The following AGBL4 variants were observed in gnomAD, a reference collection of about 807,000 sequenced individuals.
The protein encoded by AGBL4 is cytosolic carboxypeptidase 6.
A neutral mutation model predicts 66.4 loss-of-function variants in AGBL4; 58 were observed. That is an observed-to-expected ratio of 0.87 (90% CI 0.71 to 1.09). The LOEUF (loss-of-function observed/expected upper bound fraction) is 1.09. AGBL4 is among the 50% of genes least tolerant of loss of function. The probability of loss-of-function intolerance (pLI) is 0.00; values close to 1 mark genes in which losing one functional copy is unlikely to be tolerated. For synonymous variants in AGBL4, 234 were observed against 222.9 expected, an observed-to-expected ratio of 1.05 and a Z score of -0.44; for missense variants, 579 against 631.0, an observed-to-expected ratio of 0.92 and a Z score of 0.88.
intron 11 of AGBL4, among the ~76,000 whole-genome samples, chr1:48,555,799 T>G (rs904688839): frequency 6.6e-6 from 1 of 151,994 alleles, no homozygotes; most frequent in Non-Finnish European, 1.5e-5. Context: ...AGGGGAGTTG[T>G]GAGGAGGACA....
chr1:49,144,054 A>G (rs1443991991), intron 4 of AGBL4, among the ~76,000 whole-genome samples: 1 of 152,206 alleles, frequency 6.6e-6, no homozygotes, highest in Non-Finnish European at 1.5e-5. Context: ...TGGTTTTCCT[A>G]TCTGTAAGGT....
At chr1:49,562,986 GA>G (rs1644091126) in intron 3 of AGBL4, among the ~76,000 whole-genome samples, 1 of 152,016 alleles carries the variant, frequency 6.6e-6, no homozygotes, top group Non-Finnish European at 1.5e-5. Context: ...TTATTTCATT[GA>G]GCAGTGGTTC....
chr1:49,700,484 T>C (rs1372184904), intron 2 of AGBL4, among the ~76,000 whole-genome samples: 2 of 152,056 alleles, frequency 1.3e-5, no homozygotes, highest in Non-Finnish European at 2.9e-5. Flanking sequence ...AGGATTGAGA[T>C]AATTTGAAAA....
intron 3 of AGBL4, among the ~76,000 whole-genome samples, chr1:49,680,259 C>T (rs1030262151): frequency 7.9e-5 from 12 of 151,772 alleles, no homozygotes; most frequent in African/African-American, 2.9e-4. Flanking sequence ...CCATGTTGTC[C>T]GGGATGGTCT....
Position 49,915,519 on chromosome 1 carries a change from G to C in AGBL4, c.35-64001C>G, listed in dbSNP as rs375255921. Among the ~76,000 whole-genome samples, 52 of 152,282 alleles carry C rather than the reference G, an allele frequency of 3.4e-4. 1 individual carries two copies. In the South Asian group the frequency reaches 9.5e-3, roughly 28 times the overall value. On this transcript the variant is annotated intron_variant, in intron 1 of 13. Coordinates refer to ENST00000371839, the MANE Select transcript of AGBL4 (RefSeq NM_032785.4). ...AGCAGTCTGAGATCAAACTGCAAGG[G>C]GGCAGTGAGGCTGGGGAAGGGGCAC... is the stretch of plus-strand genomic sequence containing the variant.
At chr1:50,021,023 A>C (rs950023879) in intron 1 of AGBL4, among the ~76,000 whole-genome samples, 1 of 152,232 alleles carries the variant, frequency 6.6e-6, no homozygotes, top group East Asian at 1.9e-4. Context: ...TGAATTAAAC[A>C]AAGACTGAGG....
At chr1:49,487,004 T>C (rs1026374484) in intron 3 of AGBL4, among the ~76,000 whole-genome samples, 4 of 152,024 alleles carry the variant, frequency 2.6e-5, no homozygotes, top group Admixed American at 2.0e-4. Context: ...TTAGTCAATA[T>C]GTTAGTCAAA....
chr1:49,491,475 T>C (rs1385769804), intron 3 of AGBL4, among the ~76,000 whole-genome samples: 2 of 151,896 alleles, frequency 1.3e-5, no homozygotes, highest in Non-Finnish European at 2.9e-5. Flanking sequence ...GAAAGCTGCA[T>C]TGACTTTGAA....
intron 3 of AGBL4, among the ~76,000 whole-genome samples, chr1:49,358,731 G>T (rs1227104211): frequency 3.9e-5 from 6 of 152,156 alleles, no homozygotes; most frequent in African/African-American, 1.4e-4. Context: ...CTCCTAATTG[G>T]AAACTTCAGT....
chr1:49,282,039 G>A (rs1039635267), intron 3 of AGBL4, among the ~76,000 whole-genome samples: 5 of 152,164 alleles, frequency 3.3e-5, no homozygotes, highest in African/African-American at 1.2e-4. Flanking sequence ...TTGTGGAACT[G>A]AACACTTAAC....
chr1:49,697,198 G>T, intron 3 of AGBL4, 115 bp downstream of exon 3: 2 of 1,205,822 alleles, frequency 1.7e-6, no homozygotes, highest in Non-Finnish European at 2.2e-6. Flanking sequence ...TATCATTGCT[G>T]TGGATAAACA....
intron 3 of AGBL4, among the ~76,000 whole-genome samples, chr1:49,422,389 T>C (rs2148644103): frequency 6.6e-6 from 1 of 152,356 alleles, no homozygotes; most frequent in African/African-American, 2.4e-5. Flanking sequence ...GAAATTCATT[T>C]CCAAATTCTT....
At chr1:49,343,884 T>C (rs1645588631) in intron 3 of AGBL4, among the ~76,000 whole-genome samples, 1 of 152,242 alleles carries the variant, frequency 6.6e-6, no homozygotes. Flanking sequence ...CATGTGACTT[T>C]AGTAATCTTT....
At chr1:49,330,418 CAAAAT>C (rs1395146690) in intron 3 of AGBL4, among the ~76,000 whole-genome samples, 3 of 151,578 alleles carry the variant, frequency 2.0e-5, no homozygotes, top group East Asian at 1.9e-4. Context: ...GACTGTGTCT[CAAAAT>C]AAAATAAAAT....
intron 3 of AGBL4, among the ~76,000 whole-genome samples, chr1:49,373,232 G>A (rs1644403013): frequency 6.6e-6 from 1 of 152,142 alleles, no homozygotes; most frequent in Non-Finnish European, 1.5e-5. Flanking sequence ...AACTCTTTGT[G>A]AGCAAAAACC....
Position 49,039,288 on chromosome 1 carries a change from C to T in AGBL4, c.594+6296G>A, listed in dbSNP as rs149807099. 6.9e-3 allele frequency among the ~76,000 whole-genome samples: 1,056 copies of T among 151,974 alleles called. 8 individuals carry two copies. The highest frequency in any genetic ancestry group is 0.024 in the African/African-American group (984 of 41,482). On this transcript the variant is annotated intron_variant, in intron 5 of 13. Transcript: ENST00000371839. ...CAGGCCATTATAAATTTGTCCACAC[C>T]CATAGAATGTACAACACCCAGAGTG... is the stretch of plus-strand genomic sequence containing the variant.
rs185641847 is a variant in AGBL4, at chr1:48,863,759, A to C, written c.634+3432T>G. On this transcript the variant is annotated intron_variant, in intron 6 of 13. Transcript: ENST00000371839. ...ACAATGGGTTATCCATACACACACAAAAAAATAAATTCCTATTTCATATAC... is the reference window on the plus strand; with the variant it reads ...ACAATGGGTTATCCATACACACACACAAAAATAAATTCCTATTTCATATAC... 1.9e-3 allele frequency among the ~76,000 whole-genome samples: 290 copies of C among 152,184 alleles called. 2 individuals carry two copies. Among genetic ancestry groups the C allele is most frequent in the African/African-American group, 6.5e-3 (271 of 41,568 alleles).
intron 4 of AGBL4, among the ~76,000 whole-genome samples, chr1:49,221,145 G>A (rs139799540): frequency 2.9e-4 from 44 of 152,136 alleles, no homozygotes; most frequent in African/African-American, 9.9e-4. Context: ...TAGTTTTAAC[G>A]GGATTCCATT....
At chr1:49,207,907 T>C (rs1281771465) in intron 4 of AGBL4, among the ~76,000 whole-genome samples, 2 of 152,022 alleles carry the variant, frequency 1.3e-5, no homozygotes, top group African/African-American at 4.8e-5. Context: ...AGCCACTAAC[T>C]TTGCCATGCA....
Sources: gnomAD v4.1 joint callset for allele counts (sites outside exome capture counted in the v4.1 genomes callset) on GRCh38, gnomAD v4.1.1 for gene constraint, MANE v1.5 for transcripts, NCBI Gene and HGNC (gene_info 2026-07-23, HGNC 2026-07-21) for gene names.